Variants in TNK1 observed in about 807,000 individuals in gnomAD.
The protein encoded by TNK1 is non-receptor tyrosine-protein kinase TNK1.
In TNK1, 53 loss-of-function variants were observed where a neutral mutation model predicts 65.2. The observed-to-expected ratio is 0.81, with a 90% CI of 0.65 to 1.02. The LOEUF (loss-of-function observed/expected upper bound fraction) is 1.02. Ranked by LOEUF, TNK1 falls within the 50% of genes least tolerant of loss-of-function variation. TNK1 has a pLI of 0.00. For synonymous variants in TNK1, 353 were observed against 364.6 expected (o/e 0.97, Z 0.36); for missense variants, 837 against 878.4 (o/e 0.95, Z 0.60).
At chr17:7,381,619 G>C (rs1278829803) in intron 1 of TNK1, among the ~76,000 whole-genome samples, 1 of 152,224 alleles carries the variant, frequency 6.6e-6, no homozygotes, top group Non-Finnish European at 1.5e-5. Context: ...GACAGCCTCA[G>C]TGGCTCCATA....
chr17:7,380,982 G>A (rs1372829235), upstream of TNK1: 2 of 152,268 alleles, frequency 1.3e-5, no homozygotes, highest in African/African-American at 4.8e-5. Context: ...AGGGAACTCG[G>A]GGTGCGGCCC....
chr17:7,383,145 C>T, intron 2 of TNK1, 56 bp downstream of exon 2: 2 of 1,611,876 alleles, frequency 1.2e-6, no homozygotes, highest in Non-Finnish European at 8.5e-7. Flanking sequence ...TATCAGTTGC[C>T]TTCCCCCACC....
intron 7 of TNK1, among the ~76,000 whole-genome samples, chr17:7,385,995 G>A (rs1025509623): frequency 6.6e-6 from 1 of 152,160 alleles, no homozygotes; most frequent in Non-Finnish European, 1.5e-5. Context: ...CTTCAGAGCT[G>A]TTCCCTAAGC....
chr17:7,388,389 C>G lies in TNK1; in HGVS notation c.1478-17C>G. The G allele has an allele frequency of 6.4e-7, 1 of 1,571,020 alleles. No homozygotes were observed. The highest frequency in any genetic ancestry group is 8.6e-7 in the Non-Finnish European group (1 of 1,158,356). ...GCAGCCAGCCGAGTTCAAGTTGTTTCCTTCTCAACTGTGCAGGCATTTCCA... is the reference window on the plus strand; with the variant it reads ...GCAGCCAGCCGAGTTCAAGTTGTTTGCTTCTCAACTGTGCAGGCATTTCCA... On this transcript the variant is annotated splice_polypyrimidine_tract_variant and intron_variant, in intron 10 of 12. Coordinates refer to ENST00000688331, the MANE Select transcript of TNK1 (RefSeq NM_003985.6). The surrounding 1 kb of genome is among the most constrained non-coding windows in gnomAD (Gnocchi z 4.5).
intron 5 of TNK1, 36 bp downstream of exon 5, chr17:7,383,900 G>C (rs113569400): frequency 0.018 from 28,183 of 1,586,998 alleles, 414 homozygotes; most frequent in Admixed American, 0.043. Context: ...CGGGACAGCC[G>C]TGCGGCAGGA....
chr17:7,389,340 T>C lies in TNK1; in HGVS notation c.*256T>C, dbSNP rs1905439746. 1 of 541,326 alleles carries C rather than the reference T, an allele frequency of 1.8e-6. No individual in the cohort carries two copies. Among genetic ancestry groups the C allele is most frequent in the Non-Finnish European group, 3.3e-6 (1 of 304,470 alleles). 33.5% of individuals were successfully genotyped at this position (541,326 alleles called of 1,614,324 possible). ...GCCAAGAAGGATCTAGTCTGCCCACTACATTCTCAAACAAGAGGACTTGGA... is the reference window on the plus strand; with the variant it reads ...GCCAAGAAGGATCTAGTCTGCCCACCACATTCTCAAACAAGAGGACTTGGA... On this transcript the variant is annotated 3_prime_UTR_variant, in exon 13 of 13. Coordinates refer to ENST00000688331, the MANE Select transcript of TNK1 (RefSeq NM_003985.6).
In TNK1 at chr17:7,384,755, G is replaced by A; in HGVS notation, c.1137+1G>A. ...CCACCTGGAGGGGCTGCTGCAAGAG[G>A]TGGGAACCCCCGACCTCACCAGATA... On this transcript the variant is annotated splice_donor_variant, in intron 7 of 12. Transcript: ENST00000688331. LOFTEE classifies it high-confidence loss of function. The A allele has an allele frequency of 1.3e-6, 2 of 1,571,664 alleles. No homozygotes were observed. Among genetic ancestry groups the A allele is most frequent in the African/African-American group, 1.3e-5 (1 of 74,092 alleles).
Position 7,384,041 on chromosome 17 carries a change from C to G in TNK1, c.654C>G (p.Leu218=). Residue 218 remains leucine, a synonymous_variant, in exon 6 of 13, where the codon CTC becomes CTG. Transcript: ENST00000688331. ...LTAPAPTPPL[L]VALLCLFLRQ... ...CCCCGGCCCCGACACCCCCGCTGCT[C>G]GTGGCCCTGCTCTGCCTCTTCCTGC... The G allele has an allele frequency of 3.3e-6, 5 of 1,523,384 alleles. No homozygotes were observed. The highest frequency in any genetic ancestry group is 4.4e-6 in the Non-Finnish European group (5 of 1,140,628). The allele number at this position is 1,523,384 out of a possible 1,614,324, so 94.4% of individuals were successfully genotyped here. A position where few individuals can be genotyped will look rare whatever the true frequency, so the allele number is the denominator to read the frequency against.
At position 7,388,140 on chromosome 17, in the gene TNK1, G is replaced by A. The variant is rs1392131011; in HGVS notation, c.1478-266G>A. ...AGCTCAGCACAGATGAAGACAGAGA[G>A]TGGGGCCAGGCATGGTGGCTCAAGC... On this transcript the variant is annotated intron_variant, in intron 10 of 12. Transcript: ENST00000688331. This position sits in a 1 kb window ranked among gnomAD's most constrained non-coding sequence, Gnocchi z 4.5. Among the ~76,000 whole-genome samples, 1 of 152,222 alleles carries A rather than the reference G, an allele frequency of 6.6e-6. No individual in the cohort carries two copies.
rs1905449835 is a variant in TNK1 at position 7,389,414 on chromosome 17, G to A, written c.*330G>A. 3 of 473,762 alleles carry A rather than the reference G, an allele frequency of 6.3e-6. No homozygotes were observed. The East Asian group carries it at 9.3e-5, about 15-fold the overall frequency. 29.3% of individuals were successfully genotyped at this position (473,762 alleles called of 1,614,324 possible). ...ATGCAGAGGAAGCTTCTACGCGCTA[G>A]AGAGGATCAAGGGGCCACACTGGAC... On this transcript the variant is annotated 3_prime_UTR_variant, in exon 13 of 13. Coordinates refer to ENST00000688331, the MANE Select transcript of TNK1 (RefSeq NM_003985.6).
chr17:7,383,357 G>C (rs902717949), intron 3 of TNK1, 37 bp downstream of exon 3: 2 of 1,613,874 alleles, frequency 1.2e-6, no homozygotes, highest in African/African-American at 2.7e-5. Flanking sequence ...GCCTGGGAAT[G>C]AGGTGGCTTG....
chr17:7,383,359 G>A (rs1258362217), intron 3 of TNK1, 39 bp downstream of exon 3: 2 of 1,613,888 alleles, frequency 1.2e-6, no homozygotes, highest in Admixed American at 1.7e-5. Flanking sequence ...CTGGGAATGA[G>A]GTGGCTTGAG....
Position 7,384,627 on chromosome 17 carries a change from A to G in TNK1, c.1010A>G (p.Glu337Gly), listed in dbSNP as rs1429968636. 1 of 1,611,294 alleles carries G rather than the reference A, an allele frequency of 6.2e-7. No individual in the cohort carries two copies. Among genetic ancestry groups the G allele is most frequent in the Non-Finnish European group, 8.5e-7 (1 of 1,179,098 alleles). The change falls in exon 7 of 13, where the codon GAG (glutamate) becomes GGG (glycine). Residue 337 changes from glutamate (E) to glycine (G), a missense_variant. Glu to Gly is a moderately conservative substitution (Grantham distance 98, BLOSUM62 -2). Coordinates refer to ENST00000688331, the MANE Select transcript of TNK1 (RefSeq NM_003985.6). ...CCGTACCTCATCCTGCAGCGGCTGG[A>G]GGACAGAGCCCGGCTGCCTAGGCCT... The part of the protein sequence containing the change: ...VPPYLILQRL[E>G]DRARLPRPPL...
rs775583391 is a variant in TNK1, at chr17:7,384,161, C to T, written c.774C>T (p.Thr258=). ...TRNLLLASPR[T]IKVADFGLVR... ...ACCTACTGCTGGCGTCGCCGCGCACCATCAAGGTGGCTGACTTCGGGCTGG... is the reference window on the plus strand; with the variant it reads ...ACCTACTGCTGGCGTCGCCGCGCACTATCAAGGTGGCTGACTTCGGGCTGG... The change falls in exon 6 of 13, where the codon ACC becomes ACT. Residue 258 remains threonine, a synonymous_variant. Transcript: ENST00000688331. 85 of 1,539,350 alleles carry T rather than the reference C, an allele frequency of 5.5e-5. No homozygotes were observed. Among genetic ancestry groups the T allele is most frequent in the Non-Finnish European group, 7.0e-5 (80 of 1,149,768 alleles).
rs1170631264 is a variant in TNK1 at position 7,382,700 on chromosome 17, G to A, written c.-91-136G>A. The A allele has an allele frequency of 2.0e-5, 11 of 536,780 alleles. No homozygotes were observed. Among genetic ancestry groups the A allele is most frequent in the African/African-American group, 8.5e-5 (4 of 47,096 alleles). The allele number at this position is 536,780 out of a possible 1,614,324, so 33.3% of individuals were successfully genotyped here. On this transcript the variant is annotated intron_variant, in intron 1 of 12. Transcript: ENST00000688331. This position sits in a 1 kb window ranked among gnomAD's most constrained non-coding sequence, Gnocchi z 4.1. ...GTGTGAGCAGGGCAGGTTACTCAGC[G>A]GTGAAGGGACAGAGTACCCGGATGC...
In TNK1 at chr17:7,388,903, T is replaced by C. The variant is rs1217678215; in HGVS notation, c.1872+20T>C. ...CTCAAGGTAAAGCCAGCCCCTTCTCTTGGGGTCCCTCCTCTCCTGCCCCTG... is the reference window on the plus strand; with the variant it reads ...CTCAAGGTAAAGCCAGCCCCTTCTCCTGGGGTCCCTCCTCTCCTGCCCCTG... On this transcript the variant is annotated intron_variant, in intron 12 of 12. Coordinates refer to ENST00000688331, the MANE Select transcript of TNK1 (RefSeq NM_003985.6). The surrounding 1 kb of genome is among the most constrained non-coding windows in gnomAD (Gnocchi z 4.5). 1 of 1,573,108 alleles carries C rather than the reference T, an allele frequency of 6.4e-7. No individual in the cohort carries two copies. Among genetic ancestry groups the C allele is most frequent in the Admixed American group, 1.9e-5 (1 of 53,448 alleles).
At chr17:7,387,589 A>T in intron 10 of TNK1, 132 bp downstream of exon 10, 5 of 672,530 alleles carry the variant, frequency 7.4e-6, no homozygotes, top group Non-Finnish European at 1.2e-5. Context: ...CATCCTAGCT[A>T]TACTGTGCAA....
Position 7,386,869 on chromosome 17 carries a change from T to C in TNK1, c.1233-121T>C. ...GCCTTATTGCATTAGGGAAAAGGCT[T>C]CCCTTCCTCCAGGCAGATGCGGCTC... On this transcript the variant is annotated intron_variant, in intron 8 of 12. Coordinates refer to ENST00000688331, the MANE Select transcript of TNK1 (RefSeq NM_003985.6). 18 of 1,355,854 alleles carry C rather than the reference T, an allele frequency of 1.3e-5. 1 individual carries two copies. In the South Asian group the frequency reaches 2.7e-4, roughly 20 times the overall value. 84.0% of individuals were successfully genotyped at this position (1,355,854 alleles called of 1,614,324 possible).
At position 7,384,675 on chromosome 17, in the gene TNK1, A is replaced by G. The variant is rs1417340697; in HGVS notation, c.1058A>G (p.Tyr353Cys). The G allele has an allele frequency of 6.3e-7, 1 of 1,598,668 alleles. No individual in the cohort carries two copies. Among genetic ancestry groups the G allele is most frequent in the Admixed American group, 1.7e-5 (1 of 58,586 alleles). Reference sequence around the variant, plus strand: ...CCTCCCCTCTGCTCCAGGGCCCTCTACTCCCTCGCCTTGCGCTGCTGGGCC... The same window carrying G: ...CCTCCCCTCTGCTCCAGGGCCCTCTGCTCCCTCGCCTTGCGCTGCTGGGCC... The part of the protein sequence containing the change: ...PRPPLCSRAL[Y>C]SLALRCWAPH... Residue 353 changes from tyrosine to cysteine, a missense_variant, in exon 7 of 13, where the codon TAC becomes TGC. By Grantham distance (194) the Tyr-to-Cys change is radical. Coordinates refer to ENST00000688331, the MANE Select transcript of TNK1 (RefSeq NM_003985.6).
Sources: allele counts gnomAD v4.1 joint callset (sites outside exome capture counted in the v4.1 genomes callset), GRCh38; gene constraint gnomAD v4.1.1; non-coding constraint Gnocchi (gnomAD v3.1); transcripts MANE v1.5; gene names NCBI Gene and HGNC (gene_info 2026-07-23, HGNC 2026-07-21).